LRRC4C: variants seen among roughly 807,000 people sequenced by gnomAD.
The protein encoded by LRRC4C is leucine rich repeat containing 4C, also known as leucine-rich repeat-containing protein 4C.
LRRC4C carries 5 observed loss-of-function variants against 33.6 expected under a neutral mutation model. The ratio of observed to expected loss-of-function variants is 0.15; its 90% CI spans 0.08 to 0.31. The LOEUF (loss-of-function observed/expected upper bound fraction) is 0.31. LRRC4C is among the 10% of genes least tolerant of loss of function. The pLI is 1.00. For synonymous variants in LRRC4C, 329 were observed against 302.0 expected (o/e 1.09, Z -0.93); for missense variants, 560 against 796.7 (o/e 0.70, Z 3.58).
chr11:40,669,379 A>G (rs186990333), intron 2 of LRRC4C, among the ~76,000 whole-genome samples: 15 of 152,306 alleles, frequency 9.8e-5, no homozygotes, highest in Admixed American at 3.9e-4. Flanking sequence ...AAGAATTCTG[A>G]GAGACTCACT....
chr11:40,639,734 G>A (rs532545287), intron 3 of LRRC4C, among the ~76,000 whole-genome samples: 2 of 152,260 alleles, frequency 1.3e-5, no homozygotes, highest in South Asian at 2.1e-4. Context: ...TTACTGCAGC[G>A]ATATTTCCCT....
chr11:40,683,055 A>T (rs192623716), intron 2 of LRRC4C, among the ~76,000 whole-genome samples: 1 of 152,338 alleles, frequency 6.6e-6, no homozygotes, highest in African/African-American at 2.4e-5. Flanking sequence ...GACTAATATC[A>T]GGTGATAACA....
In LRRC4C at chr11:41,188,423, T is replaced by C. The variant is rs539759939; in HGVS notation, c.-495-254700A>G. On this transcript the variant is annotated intron_variant, in intron 1 of 6. Transcript: ENST00000528697. ...TAACAAGGAAGACTGAATAGTGAGGTAGCCAGAATGGAGCCTTCGGAGTTA... is the reference window on the plus strand; with the variant it reads ...TAACAAGGAAGACTGAATAGTGAGGCAGCCAGAATGGAGCCTTCGGAGTTA... Among the ~76,000 whole-genome samples the C allele has an allele frequency of 1.1e-4, 16 of 152,200 alleles. No homozygotes were observed. In the South Asian group the frequency reaches 2.1e-3, roughly 20 times the overall value.
rs537091422 is a variant in LRRC4C at position 40,450,657 on chromosome 11, T to A, written c.-269-130936A>T. ...TAGAAAGTATTACACATTATACAAT[T>A]AGAAATATTATAGTTATAAGGCCTT... On this transcript the variant is annotated intron_variant, in intron 3 of 6. Coordinates refer to ENST00000528697, the MANE Select transcript of LRRC4C (RefSeq NM_001258419.2). Among the ~76,000 whole-genome samples the A allele has an allele frequency of 2.6e-5, 4 of 151,984 alleles. No individual in the cohort carries two copies. The South Asian group carries it at 8.3e-4, about 32-fold the overall frequency.
At chr11:40,618,697 G>A (rs746565018) in intron 3 of LRRC4C, among the ~76,000 whole-genome samples, 1 of 151,684 alleles carries the variant, frequency 6.6e-6, no homozygotes. Flanking sequence ...CTCACTATGT[G>A]AGTAATAATT....
intron 4 of LRRC4C, among the ~76,000 whole-genome samples, chr11:40,272,588 T>C (rs925103821): frequency 6.6e-6 from 1 of 152,054 alleles, no homozygotes; most frequent in Non-Finnish European, 1.5e-5. Context: ...TTTCACTTTA[T>C]TTTACATTTT....
rs948963948 is a variant in LRRC4C, at chr11:40,545,223, C to A, written c.-270+102919G>T. ...TTATGTATTTGAATATCTGCTCTTC[C>A]TTCCCCCAACAAGACTACTAGTTCT... On this transcript the variant is annotated intron_variant, in intron 3 of 6. Transcript: ENST00000528697. Among the ~76,000 whole-genome samples the A allele has an allele frequency of 3.9e-5, 6 of 151,912 alleles. No homozygotes were observed. The East Asian group carries it at 1.2e-3, about 29-fold the overall frequency.
At chr11:40,504,258 A>C (rs1455974276) in intron 3 of LRRC4C, among the ~76,000 whole-genome samples, 1 of 152,192 alleles carries the variant, frequency 6.6e-6, no homozygotes, top group Non-Finnish European at 1.5e-5. Context: ...AGCTGAATGA[A>C]AGAATATAAC....
chr11:40,588,604 G>T (rs1958878587), intron 3 of LRRC4C, among the ~76,000 whole-genome samples: 2 of 151,580 alleles, frequency 1.3e-5, no homozygotes, highest in Admixed American at 1.3e-4. Context: ...GCTTTCTCTT[G>T]TGGGTATTTA....
chr11:40,415,913 G>A (rs960254269), intron 3 of LRRC4C, among the ~76,000 whole-genome samples: 1 of 152,174 alleles, frequency 6.6e-6, no homozygotes, highest in Non-Finnish European at 1.5e-5. Context: ...GCATACGCAT[G>A]TATGAGCTAT....
intron 3 of LRRC4C, among the ~76,000 whole-genome samples, chr11:40,578,497 T>A (rs975940278): frequency 6.6e-6 from 1 of 152,068 alleles, no homozygotes; most frequent in Non-Finnish European, 1.5e-5. Context: ...TAAGATGACT[T>A]ACCTCTCTTT....
chr11:41,003,871 A>G (rs1434161549), intron 1 of LRRC4C, among the ~76,000 whole-genome samples: 5 of 152,028 alleles, frequency 3.3e-5, no homozygotes, highest in Non-Finnish European at 7.4e-5. Flanking sequence ...GAGATTCCTG[A>G]TTGAAAAGAG....
At chr11:41,306,287 A>AAAGCTAG (rs1950503945) in intron 1 of LRRC4C, among the ~76,000 whole-genome samples, 1 of 152,230 alleles carries the variant, frequency 6.6e-6, no homozygotes, top group Non-Finnish European at 1.5e-5. Flanking sequence ...AAGCTCACAG[A>AAAGCTAG]AAGCTAGTAG....
intron 6 of LRRC4C, among the ~76,000 whole-genome samples, chr11:40,139,289 C>G (rs372495924): frequency 6.6e-6 from 1 of 152,012 alleles, no homozygotes; most frequent in African/African-American, 2.4e-5. Context: ...TATGGAAACC[C>G]CTTAAGTTAG....
chr11:40,927,326 A>G (rs1957444240), intron 2 of LRRC4C, among the ~76,000 whole-genome samples: 2 of 151,116 alleles, frequency 1.3e-5, no homozygotes, highest in Admixed American at 6.6e-5. Context: ...ATGAGCCAAG[A>G]TCATGCCATT....
intron 1 of LRRC4C, among the ~76,000 whole-genome samples, chr11:41,270,544 G>C (rs2136830146): frequency 6.6e-6 from 1 of 152,100 alleles, no homozygotes; most frequent in East Asian, 1.9e-4. Flanking sequence ...TGCCTCTTAG[G>C]TGCCTCTTCA....
At chr11:40,353,851 A>G (rs1000729724) in intron 3 of LRRC4C, among the ~76,000 whole-genome samples, 1 of 152,102 alleles carries the variant, frequency 6.6e-6, no homozygotes, top group Non-Finnish European at 1.5e-5. Flanking sequence ...GGTCACTGGC[A>G]CCTTATTTAT....
intron 1 of LRRC4C, among the ~76,000 whole-genome samples, chr11:41,367,872 C>T (rs1272779872): frequency 2.0e-5 from 3 of 152,050 alleles, no homozygotes; most frequent in Non-Finnish European, 2.9e-5. Context: ...TTCATAATCC[C>T]TTTTTAAAAA....
chr11:40,387,295 A>T (rs1343213865), intron 3 of LRRC4C, among the ~76,000 whole-genome samples: 1 of 152,170 alleles, frequency 6.6e-6, no homozygotes, highest in East Asian at 1.9e-4. Context: ...TCCCAATAAC[A>T]TTATCCTTAT....
Sources: allele counts gnomAD v4.1 joint callset (sites outside exome capture counted in the v4.1 genomes callset), GRCh38; gene constraint gnomAD v4.1.1; transcripts MANE v1.5; gene names NCBI Gene and HGNC (gene_info 2026-07-23, HGNC 2026-07-21).